The following ARMC9 variants were observed in gnomAD, a reference collection of about 807,000 sequenced individuals.
ARMC9 encodes the protein lisH domain-containing protein ARMC9.
A neutral mutation model predicts 107.0 loss-of-function variants in ARMC9; 94 were observed. The observed-to-expected ratio is 0.88, with a 90% CI of 0.74 to 1.04. ARMC9 has a LOEUF of 1.04. Ranked by LOEUF, ARMC9 falls within the 50% of genes least tolerant of loss-of-function variation. ARMC9 has a pLI of 0.00. For synonymous variants in ARMC9, 380 were observed against 396.9 expected (o/e 0.96, Z 0.51); for missense variants, 942 against 1,030.1 (o/e 0.91, Z 1.17).
At chr2:231,329,742 C>T (rs1465677076) in intron 19 of ARMC9, among the ~76,000 whole-genome samples, 1 of 152,058 alleles carries the variant, frequency 6.6e-6, no homozygotes, top group East Asian at 1.9e-4. Flanking sequence ...TCGTGTGTTC[C>T]TTACTAGTAT....
chr2:231,286,296 A>G (rs2040585850), intron 17 of ARMC9, among the ~76,000 whole-genome samples: 1 of 152,120 alleles, frequency 6.6e-6, no homozygotes, highest in Admixed American at 6.5e-5. Flanking sequence ...TTGTATTTTT[A>G]GTAGAGACGG....
At chr2:231,207,150 G>A (rs1042321208) in intron 2 of ARMC9, among the ~76,000 whole-genome samples, 13 of 151,374 alleles carry the variant, frequency 8.6e-5, no homozygotes, top group African/African-American at 1.9e-4. Context: ...GACTACAGAC[G>A]TGCACCACCA....
At position 231,348,329 on chromosome 2, in the gene ARMC9, G is replaced by T. The variant is rs560373866; in HGVS notation, c.1994+3239G>T. On this transcript the variant is annotated intron_variant, in intron 21 of 24. Transcript: ENST00000611582. ...GAATGCAGACACCCTCTAGAAACTGGAAAAGGCAAGGAAATAAATTCTCTC... is the reference window on the plus strand; with the variant it reads ...GAATGCAGACACCCTCTAGAAACTGTAAAAGGCAAGGAAATAAATTCTCTC... Among the ~76,000 whole-genome samples the T allele has an allele frequency of 1.1e-4, 16 of 152,320 alleles. No homozygotes were observed. In the East Asian group the frequency reaches 3.1e-3, roughly 29 times the overall value.
chr2:231,340,297 C>G (rs1011660396), intron 20 of ARMC9, among the ~76,000 whole-genome samples: 1 of 152,150 alleles, frequency 6.6e-6, no homozygotes, highest in Non-Finnish European at 1.5e-5. Context: ...GCATCTTTCA[C>G]ATGGGAGTTT....
At chr2:231,242,799 G>A (rs1054827751) in intron 9 of ARMC9, among the ~76,000 whole-genome samples, 19 of 152,194 alleles carry the variant, frequency 1.2e-4, no homozygotes, top group African/African-American at 4.6e-4. Context: ...TATAGGAGGA[G>A]TGATGTATCC....
chr2:231,307,320 A>C (rs903132824), intron 19 of ARMC9, among the ~76,000 whole-genome samples: 1 of 152,188 alleles, frequency 6.6e-6, no homozygotes, highest in South Asian at 2.1e-4. Flanking sequence ...GGCTTTCCCT[A>C]CTTGTCTGGC....
intron 19 of ARMC9, among the ~76,000 whole-genome samples, chr2:231,321,488 A>G (rs887577373): frequency 6.6e-6 from 1 of 152,254 alleles, no homozygotes; most frequent in Admixed American, 6.5e-5. Flanking sequence ...ATTTCAGAAC[A>G]TAGACATTAT....
chr2:231,219,595 T>C (rs2033893701), intron 5 of ARMC9, among the ~76,000 whole-genome samples: 1 of 152,180 alleles, frequency 6.6e-6, no homozygotes, highest in Non-Finnish European at 1.5e-5. Context: ...TTCCCTACAG[T>C]GTTTCTAGGG....
In ARMC9 at chr2:231,282,101, G is replaced by T; in HGVS notation, c.1594G>T (p.Val532Phe). The change falls in exon 17 of 25, where the codon GTT (valine) becomes TTT (phenylalanine). Residue 532 changes from valine (V) to phenylalanine (F), a missense_variant. Physicochemically the swap from Val to Phe is conservative, Grantham distance 50. Coordinates refer to ENST00000611582, the MANE Select transcript of ARMC9 (RefSeq NM_001352754.2). ...TGGAGCTCTGTACAGCATCCTTTCT[G>T]TTCCATCCATTCGTGAGGAAGCAAG... ...VNGALYSILS[V>F]PSIREEARAM... 1 of 1,614,158 alleles carries T rather than the reference G, an allele frequency of 6.2e-7. No individual in the cohort carries two copies. Among genetic ancestry groups the T allele is most frequent in the Non-Finnish European group, 8.5e-7 (1 of 1,180,018 alleles).
At chr2:231,370,477 G>T (rs1004010977) in intron 24 of ARMC9, 3 of 214,056 alleles carry the variant, frequency 1.4e-5, no homozygotes, top group Non-Finnish European at 2.7e-5. Context: ...GCTGCCCCGG[G>T]GTTGGCCCTG....
chr2:231,208,074 A>T, intron 2 of ARMC9, 53 bp from the exon 3 acceptor site: 1 of 847,380 alleles, frequency 1.2e-6, no homozygotes, highest in Non-Finnish European at 1.8e-6. Context: ...GCTGTTTTTT[A>T]ATTGGATTAT....
At chr2:231,366,841 A>C (rs1008847892) in intron 23 of ARMC9, among the ~76,000 whole-genome samples, 1 of 150,588 alleles carries the variant, frequency 6.6e-6, no homozygotes, top group Non-Finnish European at 1.5e-5. Flanking sequence ...CTCTGTCTCA[A>C]AACAAAACCA....
At chr2:231,246,959 A>ATT (rs34751620) in intron 9 of ARMC9, among the ~76,000 whole-genome samples, 45 of 144,684 alleles carry the variant, frequency 3.1e-4, no homozygotes, top group Admixed American at 6.9e-4. Context: ...CACTTGGCTA[A>ATT]TTTTTTTTTT....
intron 19 of ARMC9, among the ~76,000 whole-genome samples, chr2:231,301,125 C>T (rs1451279381): frequency 6.6e-6 from 1 of 152,160 alleles, no homozygotes; most frequent in Non-Finnish European, 1.5e-5. Context: ...ATTTGTTTTT[C>T]AAAATGAGAT....
intron 14 of ARMC9, among the ~76,000 whole-genome samples, chr2:231,274,661 T>A (rs559215270): frequency 9.9e-5 from 15 of 152,108 alleles, no homozygotes; most frequent in African/African-American, 3.1e-4. Context: ...GTCCCTGGAG[T>A]CTTCAACTTT....
intron 12 of ARMC9, 89 bp from the exon 13 acceptor site, chr2:231,270,893 A>C (rs2039264260): frequency 1.9e-6 from 2 of 1,056,384 alleles, no homozygotes. Context: ...ATTCAGGCAG[A>C]GGAAGAGAAC....
chr2:231,320,010 T>C (rs1218300461), intron 19 of ARMC9, among the ~76,000 whole-genome samples: 1 of 152,228 alleles, frequency 6.6e-6, no homozygotes, highest in Non-Finnish European at 1.5e-5. Flanking sequence ...TTATGGTTTT[T>C]AATTTTACAT....
chr2:231,341,280 C>A (rs2044484175), intron 20 of ARMC9, among the ~76,000 whole-genome samples: 1 of 152,196 alleles, frequency 6.6e-6, no homozygotes, highest in South Asian at 2.1e-4. Context: ...ATTCACATGC[C>A]TGTTGCCTCT....
intron 8 of ARMC9, 70 bp downstream of exon 8, chr2:231,235,451 T>C (rs2035619336): frequency 6.5e-7 from 1 of 1,531,082 alleles, no homozygotes; most frequent in East Asian, 2.3e-5. Context: ...TGGACTATGT[T>C]GATATGGCAG....
Sources: gnomAD v4.1 joint callset for allele counts (sites outside exome capture counted in the v4.1 genomes callset) on GRCh38, gnomAD v4.1.1 for gene constraint, MANE v1.5 for transcripts, NCBI Gene and HGNC (gene_info 2026-07-23, HGNC 2026-07-21) for gene names.